LSAMP: variants seen among roughly 807,000 people sequenced by gnomAD.
The protein encoded by LSAMP is limbic system associated membrane protein, also known as limbic system-associated membrane protein.
In LSAMP, 7 loss-of-function variants were observed where a neutral mutation model predicts 38.6. The ratio of observed to expected loss-of-function variants is 0.18; its 90% CI spans 0.10 to 0.34. LSAMP has a LOEUF of 0.34. Ranked by LOEUF, LSAMP falls within the 10% of genes least tolerant of loss-of-function variation. LSAMP has a pLI of 1.00. For missense variants in LSAMP, 313 were observed against 420.0 expected (o/e 0.75, Z 2.23); for synonymous variants, 154 against 166.8 (o/e 0.92, Z 0.59).
Position 116,445,286 on chromosome 3 carries a change from C to A in LSAMP, c.-255G>T. 1.7e-6 allele frequency: 1 copy of A among 586,640 alleles called. No individual in the cohort carries two copies. Among genetic ancestry groups the A allele is most frequent in the Non-Finnish European group, 3.0e-6 (1 of 331,490 alleles). The allele number at this position is 586,640 out of a possible 1,614,324, so 36.3% of individuals were successfully genotyped here. A position where few individuals can be genotyped will look rare whatever the true frequency, so the allele number is the denominator to read the frequency against. ...CAACACAATTTCAAAAGAGAGAGTG[C>A]AAATAGCAAGCCCTCTGGAAGAGCT... On this transcript the variant is annotated 5_prime_UTR_variant, in exon 1 of 7. Transcript: ENST00000490035.
At chr3:116,244,584 T>C (rs1471466056) in intron 1 of LSAMP, among the ~76,000 whole-genome samples, 1 of 152,196 alleles carries the variant, frequency 6.6e-6, no homozygotes, top group Non-Finnish European at 1.5e-5. Flanking sequence ...CTAAGCATGC[T>C]ATCTTCAAAC....
chr3:116,254,983 G>T (rs2107652451), intron 1 of LSAMP, among the ~76,000 whole-genome samples: 1 of 152,286 alleles, frequency 6.6e-6, no homozygotes, highest in African/African-American at 2.4e-5. Flanking sequence ...GAGATTGGAT[G>T]TTAGGAAAGC....
At chr3:116,417,309 A>G (rs2107848961) in intron 1 of LSAMP, among the ~76,000 whole-genome samples, 2 of 152,292 alleles carry the variant, frequency 1.3e-5, no homozygotes, top group South Asian at 4.1e-4. Context: ...CACATTTAAC[A>G]GGGTTGTTTC....
intron 2 of LSAMP, among the ~76,000 whole-genome samples, chr3:116,063,910 T>C (rs1559728276): frequency 6.6e-6 from 1 of 152,226 alleles, no homozygotes; most frequent in Admixed American, 6.5e-5. Flanking sequence ...ATTTTTTCTC[T>C]TCATTTTGAG....
chr3:116,149,612 T>C (rs1709565296), intron 1 of LSAMP, among the ~76,000 whole-genome samples: 1 of 29,086 alleles, frequency 3.4e-5, no homozygotes, highest in African/African-American at 8.5e-5. Flanking sequence ...AGTTGTTGCC[T>C]ATTTTCTGAT....
At chr3:116,352,051 G>A (rs990868574) in intron 1 of LSAMP, among the ~76,000 whole-genome samples, 1 of 151,984 alleles carries the variant, frequency 6.6e-6, no homozygotes, top group African/African-American at 2.4e-5. Flanking sequence ...TCCACAGTTT[G>A]GTTAAAAGGT....
intron 1 of LSAMP, among the ~76,000 whole-genome samples, chr3:116,404,984 AG>A (rs1253311214): frequency 5.3e-5 from 8 of 152,144 alleles, no homozygotes; most frequent in African/African-American, 1.7e-4. Flanking sequence ...TTTATTGAAA[AG>A]GGGCAACTCA....
chr3:115,926,995 G>A (rs1937511054), intron 3 of LSAMP, among the ~76,000 whole-genome samples: 2 of 152,138 alleles, frequency 1.3e-5, no homozygotes, highest in Admixed American at 6.5e-5. Context: ...TTAGAATGAA[G>A]TCTGAAAAAT....
At chr3:116,431,874 A>G (rs1215651888) in intron 1 of LSAMP, among the ~76,000 whole-genome samples, 1 of 152,046 alleles carries the variant, frequency 6.6e-6, no homozygotes, top group Non-Finnish European at 1.5e-5. Flanking sequence ...CAAAGAATTA[A>G]ATTATATTTT....
At chr3:116,137,912 G>A (rs1709286395) in intron 1 of LSAMP, among the ~76,000 whole-genome samples, 2 of 152,076 alleles carry the variant, frequency 1.3e-5, no homozygotes, top group Non-Finnish European at 2.9e-5. Context: ...TTTCACTTAA[G>A]GATGCCATAG....
intron 1 of LSAMP, among the ~76,000 whole-genome samples, chr3:116,245,673 A>T (rs1301324119): frequency 1.3e-5 from 2 of 152,186 alleles, no homozygotes; most frequent in Non-Finnish European, 2.9e-5. Flanking sequence ...AATTATTTTT[A>T]AAAATCAGAA....
chr3:116,043,081 T>C (rs1175551577), intron 2 of LSAMP, among the ~76,000 whole-genome samples: 1 of 152,224 alleles, frequency 6.6e-6, no homozygotes, highest in Non-Finnish European at 1.5e-5. Context: ...CCCTGGCCTC[T>C]ATCTATTGGA....
rs369916357 is a variant in LSAMP, at chr3:116,444,968, G to A, written c.64C>T (p.Leu22Phe). The A allele has an allele frequency of 1.2e-6, 2 of 1,613,966 alleles. No individual in the cohort carries two copies. Among genetic ancestry groups the A allele is most frequent in the African/African-American group, 2.7e-5 (2 of 74,896 alleles). The change falls in exon 1 of 7, where the codon CTT (leucine) becomes TTT (phenylalanine). Residue 22 changes from leucine (L) to phenylalanine (F), a missense_variant. Transcript: ENST00000490035. ...LPLVLLRLLC[L>F]LPTGLPVRSV... ...CGAACAGGCAGTCCTGTGGGAAGAA[G>A]GCAGAGCAATCTCAGTAGGACCAGT...
At chr3:115,884,992 G>T (rs953376748) in intron 3 of LSAMP, among the ~76,000 whole-genome samples, 1 of 151,904 alleles carries the variant, frequency 6.6e-6, no homozygotes, top group African/African-American at 2.4e-5. Flanking sequence ...ACTAAAAAAG[G>T]CGTTCACAGA....
In LSAMP at chr3:116,110,243, G is replaced by T. The variant is rs554647018; in HGVS notation, c.156-23687C>A. Among the ~76,000 whole-genome samples, 1,191 of 151,804 alleles carry T rather than the reference G, an allele frequency of 7.8e-3. 11 individuals are homozygous for T. The highest frequency in any genetic ancestry group is 0.026 in the African/African-American group (1,067 of 41,224). On this transcript the variant is annotated intron_variant, in intron 1 of 6. Transcript: ENST00000490035. The stretch of plus-strand genomic sequence containing the variant: ...AGAAGGGGTAGAGACAAGGAGAGAA[G>T]GGGTTGGGGTACTTGCCCTTTCCCC...
intron 3 of LSAMP, among the ~76,000 whole-genome samples, chr3:115,980,730 G>A (rs1449661756): frequency 6.6e-6 from 1 of 152,112 alleles, no homozygotes; most frequent in Non-Finnish European, 1.5e-5. Context: ...TTGGTCCTAT[G>A]ACTTCAGAAA....
At chr3:116,216,944 T>C (rs1009739105) in intron 1 of LSAMP, among the ~76,000 whole-genome samples, 2 of 152,204 alleles carry the variant, frequency 1.3e-5, no homozygotes, top group Non-Finnish European at 2.9e-5. Flanking sequence ...GAAGAACAGA[T>C]GGTTTAGTGG....
At chr3:116,351,567 G>T (rs1576153381) in intron 1 of LSAMP, among the ~76,000 whole-genome samples, 1 of 151,892 alleles carries the variant, frequency 6.6e-6, no homozygotes, top group Middle Eastern at 3.4e-3. Context: ...ACTCAATACA[G>T]TAAGAGCTCA....
At chr3:116,276,495 A>C (rs1050207581) in intron 1 of LSAMP, among the ~76,000 whole-genome samples, 2 of 146,230 alleles carry the variant, frequency 1.4e-5, no homozygotes, top group African/African-American at 4.9e-5. Context: ...AGGCATAAGA[A>C]TGATACAATG....
Sources: allele counts gnomAD v4.1 joint callset (sites outside exome capture counted in the v4.1 genomes callset), GRCh38; gene constraint gnomAD v4.1.1; transcripts MANE v1.5; gene names NCBI Gene and HGNC (gene_info 2026-07-23, HGNC 2026-07-21).